UBASH3B: variants seen among roughly 807,000 people sequenced by gnomAD.
The protein encoded by UBASH3B is ubiquitin-associated and SH3 domain-containing protein B.
In UBASH3B, 37 loss-of-function variants were observed where a neutral mutation model predicts 83.4. The ratio of observed to expected loss-of-function variants is 0.44; its 90% CI spans 0.34 to 0.58. The LOEUF (loss-of-function observed/expected upper bound fraction) is 0.58. Among genes scored for constraint, UBASH3B ranks in the 20% least tolerant of loss-of-function variants. UBASH3B has a pLI of 0.01. For synonymous variants in UBASH3B, 304 were observed against 318.3 expected (o/e 0.96, Z 0.48); for missense variants, 657 against 827.2 (o/e 0.79, Z 2.52).
At chr11:122,805,184 A>G (rs1053965237) in intron 11 of UBASH3B, among the ~76,000 whole-genome samples, 1 of 152,242 alleles carries the variant, frequency 6.6e-6, no homozygotes, top group African/African-American at 2.4e-5. Flanking sequence ...ACGTCTTAAC[A>G]TGGATTGCAG....
intron 1 of UBASH3B, among the ~76,000 whole-genome samples, chr11:122,713,994 A>C (rs1171820401): frequency 6.6e-6 from 1 of 152,200 alleles, no homozygotes; most frequent in Non-Finnish European, 1.5e-5. Flanking sequence ...ATGGATAATC[A>C]GACTCTGGAA....
At chr11:122,669,958 C>T (rs1371136450) in intron 1 of UBASH3B, among the ~76,000 whole-genome samples, 1 of 152,142 alleles carries the variant, frequency 6.6e-6, no homozygotes, top group African/African-American at 2.4e-5. Context: ...GTTTGATGAA[C>T]AGCAGAAGGA....
intron 1 of UBASH3B, among the ~76,000 whole-genome samples, chr11:122,706,288 G>A (rs2135933025): frequency 6.6e-6 from 1 of 151,940 alleles, no homozygotes; most frequent in Non-Finnish European, 1.5e-5. Flanking sequence ...AATTCTTAAT[G>A]CCACCCCTGG....
Position 122,779,463 on chromosome 11 carries a change from T to A in UBASH3B, c.403-34T>A. ...AGCAGCAGACTTCCATCTCCCCTTG[T>A]CTCTGAGTGAAGACTGCCTGTTTTC... is the stretch of plus-strand genomic sequence containing the variant. On this transcript the variant is annotated intron_variant, in intron 3 of 13. Coordinates refer to ENST00000284273, the MANE Select transcript of UBASH3B (RefSeq NM_032873.5). 3.1e-6 allele frequency: 5 copies of A among 1,611,656 alleles called. No homozygotes were observed. In the South Asian group the frequency reaches 5.5e-5, roughly 18 times the overall value.
intron 1 of UBASH3B, among the ~76,000 whole-genome samples, chr11:122,761,065 G>A (rs190230613): frequency 5.3e-5 from 8 of 152,172 alleles, no homozygotes; most frequent in African/African-American, 1.9e-4. Flanking sequence ...GGTAGAATCT[G>A]ACCTATAGTC....
chr11:122,676,147 A>G (rs1863664793), intron 1 of UBASH3B, among the ~76,000 whole-genome samples: 2 of 152,086 alleles, frequency 1.3e-5, no homozygotes, highest in South Asian at 4.2e-4. Flanking sequence ...CAGGCCTGTA[A>G]TCCCAACACT....
rs755173309 is a variant in UBASH3B, at chr11:122,777,140, C to T, written c.332C>T (p.Ser111Leu). ...AAGCTTTCCGACTTTTGGCAGCAGT[C>T]GAAGCAGATCTGCGGGAAGAACAAG... ...AQKLSDFWQQ[S>L]KQICGKNKAH... The change falls in exon 3 of 14, where the codon TCG becomes TTG. Residue 111 changes from serine to leucine, a missense_variant. Coordinates refer to ENST00000284273, the MANE Select transcript of UBASH3B (RefSeq NM_032873.5). 5 of 1,614,082 alleles carry T rather than the reference C, an allele frequency of 3.1e-6. No homozygotes were observed. Among genetic ancestry groups the T allele is most frequent in the Non-Finnish European group, 4.2e-6 (5 of 1,180,002 alleles).
chr11:122,655,793 A>C lies in UBASH3B; in HGVS notation c.-257A>C, dbSNP rs7127978. 146,153 of 426,648 alleles carry C rather than the reference A, an allele frequency of 0.34. 26,176 individuals carry two copies. Among genetic ancestry groups the C allele is most frequent in the Non-Finnish European group, 0.37 (88,629 of 240,304 alleles). 26.4% of individuals were successfully genotyped at this position (426,648 alleles called of 1,614,324 possible). A position where few individuals can be genotyped will look rare whatever the true frequency, so the allele number is the denominator to read the frequency against. ...GGAGACAGGGCTACTGCAGGCGCAGAGCTGGGGGCAGCCGGGGGCCCGAGT... is the reference window on the plus strand; with the variant it reads ...GGAGACAGGGCTACTGCAGGCGCAGCGCTGGGGGCAGCCGGGGGCCCGAGT... On this transcript the variant is annotated 5_prime_UTR_variant, in exon 1 of 14. Transcript: ENST00000284273.
At chr11:122,808,265 T>C (rs1033854222) in intron 13 of UBASH3B, 89 bp downstream of exon 13, 1 of 1,033,048 alleles carries the variant, frequency 9.7e-7, no homozygotes, top group Non-Finnish European at 1.5e-6. Flanking sequence ...CTTTGAAGCA[T>C]GTGTTTATGC....
At chr11:122,706,799 A>G (rs1864125052) in intron 1 of UBASH3B, among the ~76,000 whole-genome samples, 1 of 152,240 alleles carries the variant, frequency 6.6e-6, no homozygotes, top group African/African-American at 2.4e-5. Flanking sequence ...ACATTTCTGT[A>G]GATTAACATG....
At chr11:122,662,830 T>C (rs1863463621) in intron 1 of UBASH3B, among the ~76,000 whole-genome samples, 1 of 152,200 alleles carries the variant, frequency 6.6e-6, no homozygotes, top group South Asian at 2.1e-4. Context: ...CTTCAGCATA[T>C]TTTTTAGACT....
At chr11:122,707,253 C>T (rs1864132513) in intron 1 of UBASH3B, among the ~76,000 whole-genome samples, 1 of 152,196 alleles carries the variant, frequency 6.6e-6, no homozygotes, top group Non-Finnish European at 1.5e-5. Flanking sequence ...AGCCATTAGG[C>T]AATGACACTC....
intron 1 of UBASH3B, among the ~76,000 whole-genome samples, chr11:122,762,570 T>C (rs1861388571): frequency 5.3e-5 from 8 of 152,348 alleles, no homozygotes; most frequent in Admixed American, 2.6e-4. Flanking sequence ...GAGTTCTCAT[T>C]GACTCCCCAC....
At position 122,813,503 on chromosome 11, in the gene UBASH3B, G is replaced by A. The variant is rs1591337827; in HGVS notation, c.*3617G>A. On this transcript the variant is annotated 3_prime_UTR_variant, in exon 14 of 14. Coordinates refer to ENST00000284273, the MANE Select transcript of UBASH3B (RefSeq NM_032873.5). ...TGTGTTAGAATACAGATGAACCTCC[G>A]TTTGATTTCACAGCCTTCAGCACAG... is the stretch of plus-strand genomic sequence containing the variant. 1 of 152,158 alleles carries A rather than the reference G, an allele frequency of 6.6e-6. No homozygotes were observed. The highest frequency in any genetic ancestry group is 1.5e-5 in the Non-Finnish European group (1 of 68,030). 9.4% of individuals were successfully genotyped at this position (152,158 alleles called of 1,614,324 possible). A position where few individuals can be genotyped will look rare whatever the true frequency, so the allele number is the denominator to read the frequency against.
chr11:122,734,477 C>A (rs1222115228), intron 1 of UBASH3B, among the ~76,000 whole-genome samples: 1 of 152,046 alleles, frequency 6.6e-6, no homozygotes, highest in African/African-American at 2.4e-5. Context: ...TTGGTGGCTT[C>A]CAGTATACCA....
intron 5 of UBASH3B, among the ~76,000 whole-genome samples, chr11:122,787,454 G>T (rs1215241961): frequency 6.6e-6 from 1 of 152,134 alleles, no homozygotes; most frequent in Non-Finnish European, 1.5e-5. Flanking sequence ...GAAATGCAGC[G>T]GTGCAAATGA....
chr11:122,785,816 T>C (rs1028570714), intron 5 of UBASH3B, among the ~76,000 whole-genome samples: 4 of 152,140 alleles, frequency 2.6e-5, no homozygotes, highest in African/African-American at 9.7e-5. Flanking sequence ...AGAAGATGTA[T>C]GGAAAGGCTC....
intron 1 of UBASH3B, among the ~76,000 whole-genome samples, chr11:122,741,398 G>A (rs972604853): frequency 1.3e-5 from 2 of 152,178 alleles, no homozygotes; most frequent in Non-Finnish European, 2.9e-5. Context: ...TCTTTGCATT[G>A]GCTGTTTACC....
In UBASH3B at chr11:122,796,997, A is replaced by G. The variant is rs1861168389; in HGVS notation, c.1321A>G (p.Ile441Val). ...GFRDYEKDAP[I>V]TVFGCMQARL... is the part of the protein sequence containing the mutation. ...CCGAGATTACGAGAAAGATGCTCCC[A>G]TCACTGTGTTTGGATGCATGCAAGC... is the stretch of plus-strand genomic sequence containing the variant. Residue 441 changes from isoleucine (I) to valine (V), a missense_variant, in exon 9 of 14, where the codon ATC (isoleucine) becomes GTC (valine). Ile to Val is a conservative substitution (Grantham distance 29, BLOSUM62 3). Around this residue, in one of 3 missense-constraint regions of UBASH3B, gnomAD observed 573 missense variants for 739.0 expected, o/e 0.78. Transcript: ENST00000284273. 2 of 1,613,682 alleles carry G rather than the reference A, an allele frequency of 1.2e-6. No homozygotes were observed. The highest frequency in any genetic ancestry group is 8.5e-7 in the Non-Finnish European group (1 of 1,179,798).
Sources: allele counts gnomAD v4.1 joint callset (sites outside exome capture counted in the v4.1 genomes callset), GRCh38; gene constraint gnomAD v4.1.1; regional missense constraint gnomAD v4.1.1; transcripts MANE v1.5; gene names NCBI Gene and HGNC (gene_info 2026-07-23, HGNC 2026-07-21).